The following FHIT variants were observed in gnomAD, a reference collection of about 807,000 sequenced individuals.
FHIT encodes fragile histidine triad diadenosine triphosphatase.
In FHIT, 19 loss-of-function variants were observed where a neutral mutation model predicts 17.9. That is an observed-to-expected ratio of 1.06 (90% CI 0.74 to 1.56). FHIT has a LOEUF of 1.56. Ranked by LOEUF, FHIT falls within the 40% of genes most tolerant of loss-of-function variation. The pLI is 0.00. For synonymous variants in FHIT, 81 were observed against 69.7 expected (o/e 1.16, Z -0.81); for missense variants, 248 against 189.2 (o/e 1.31, Z -1.82).
intron 5 of FHIT, among the ~76,000 whole-genome samples, chr3:60,188,321 T>C (rs1042136008): frequency 1.3e-5 from 2 of 152,052 alleles, no homozygotes; most frequent in African/African-American, 4.8e-5. Context: ...CACCTCACTT[T>C]TGTACTTGGT....
chr3:60,739,181 G>A (rs1276087991), intron 4 of FHIT, among the ~76,000 whole-genome samples: 1 of 152,154 alleles, frequency 6.6e-6, no homozygotes, highest in African/African-American at 2.4e-5. Flanking sequence ...ACCCCTGCAT[G>A]CATCCTTCAA....
chr3:60,269,837 T>C (rs1706773312), intron 5 of FHIT, among the ~76,000 whole-genome samples: 1 of 152,180 alleles, frequency 6.6e-6, no homozygotes, highest in African/African-American at 2.4e-5. Flanking sequence ...ATGTCTAACT[T>C]CATTTTAAAA....
Position 59,785,579 on chromosome 3 carries a change from A to G in FHIT, c.349-33258T>C, listed in dbSNP as rs546741013. Among the ~76,000 whole-genome samples the G allele has an allele frequency of 1.1e-3, 169 of 152,234 alleles. 2 individuals are homozygous for G. In the Middle Eastern group the frequency reaches 0.014, roughly 12 times the overall value. On this transcript the variant is annotated intron_variant, in intron 8 of 9. Transcript: ENST00000492590. ...AGTGATCCGCCCACCTTGGCCTCCC[A>G]AAGTGCTGGGATTACAGGCGTGAGC...
chr3:60,185,418 C>T (rs933485337), intron 5 of FHIT, among the ~76,000 whole-genome samples: 2 of 152,172 alleles, frequency 1.3e-5, no homozygotes, highest in Non-Finnish European at 1.5e-5. Flanking sequence ...TAGCAATATA[C>T]ATTTACTATT....
intron 2 of FHIT, among the ~76,000 whole-genome samples, chr3:61,077,477 C>G (rs372317874): frequency 5.3e-5 from 8 of 151,748 alleles, no homozygotes; most frequent in African/African-American, 1.7e-4. Flanking sequence ...AACAAACAAA[C>G]AAACAAACAA....
At position 60,014,076 on chromosome 3, in the gene FHIT, C is replaced by G. The variant is rs891129891; in HGVS notation, c.180G>C (p.Gln60His). 4.3e-6 allele frequency: 7 copies of G among 1,614,082 alleles called. No individual in the cohort carries two copies. The African/African-American group carries it at 5.3e-5, about 12-fold the overall frequency. Residue 60 changes from glutamine to histidine, a missense_variant, in exon 6 of 10, where the codon CAG becomes CAC. Transcript: ENST00000492590. ...CCACTGTCCCGACTCTCTGGGTCGT[C>G]TGAAACAAATCGGCCACTTCATCAG... ...LRPDEVADLF[Q>H]TTQRVGTVVE...
At chr3:60,187,680 T>C (rs1357782670) in intron 5 of FHIT, among the ~76,000 whole-genome samples, 2 of 152,176 alleles carry the variant, frequency 1.3e-5, no homozygotes, top group African/African-American at 2.4e-5. Context: ...AACAGATTTA[T>C]TGTCCTATTT....
At chr3:60,057,010 G>A (rs958896623) in intron 5 of FHIT, among the ~76,000 whole-genome samples, 1 of 152,032 alleles carries the variant, frequency 6.6e-6, no homozygotes, top group Admixed American at 6.6e-5. Context: ...AACTTGGGAT[G>A]CTTTTTTCTG....
intron 3 of FHIT, among the ~76,000 whole-genome samples, chr3:60,857,562 C>T (rs1272009390): frequency 6.6e-6 from 1 of 151,888 alleles, no homozygotes; most frequent in Admixed American, 6.6e-5. Context: ...CCAGTGCTTG[C>T]CACAGAGTTA....
At chr3:60,685,345 T>C (rs1165056790) in intron 4 of FHIT, among the ~76,000 whole-genome samples, 5 of 152,196 alleles carry the variant, frequency 3.3e-5, no homozygotes, top group Admixed American at 1.3e-4. Context: ...GAGAGAAAAT[T>C]TGGCCTCCCC....
At chr3:60,582,519 C>G (rs575436319) in intron 4 of FHIT, among the ~76,000 whole-genome samples, 1 of 152,144 alleles carries the variant, frequency 6.6e-6, no homozygotes, top group South Asian at 2.1e-4. Context: ...GAAATGAATG[C>G]GGATACAACC....
intron 5 of FHIT, among the ~76,000 whole-genome samples, chr3:60,099,357 G>A (rs1704097496): frequency 1.3e-5 from 2 of 152,162 alleles, no homozygotes; most frequent in Admixed American, 1.3e-4. Context: ...TGCTAAGCAT[G>A]TGGAATACAT....
chr3:60,743,691 C>T (rs2042283763), intron 4 of FHIT, among the ~76,000 whole-genome samples: 1 of 152,150 alleles, frequency 6.6e-6, no homozygotes, highest in Admixed American at 6.5e-5. Flanking sequence ...GAGTGGCCTG[C>T]TGGCTCTTCT....
At position 59,911,202 on chromosome 3, in the gene FHIT, T is replaced by G. The variant is rs140811443; in HGVS notation, c.348+11144A>C. Among the ~76,000 whole-genome samples, 135 of 152,360 alleles carry G rather than the reference T, an allele frequency of 8.9e-4. 2 individuals carry two copies. In the East Asian group the frequency reaches 0.016, roughly 18 times the overall value. Reference sequence around the variant, plus strand: ...ATATATAGTATTAAATATATTCCTCTATTATTTGGCATTTAAATTGTTTCC... The same window carrying G: ...ATATATAGTATTAAATATATTCCTCGATTATTTGGCATTTAAATTGTTTCC... On this transcript the variant is annotated intron_variant, in intron 8 of 9. Coordinates refer to ENST00000492590, the MANE Select transcript of FHIT (RefSeq NM_002012.4).
chr3:59,855,104 A>G (rs1263660243), intron 8 of FHIT, among the ~76,000 whole-genome samples: 1 of 152,214 alleles, frequency 6.6e-6, no homozygotes, highest in Non-Finnish European at 1.5e-5. Context: ...AACATTAAAC[A>G]ATGTTTTCCC....
intron 5 of FHIT, among the ~76,000 whole-genome samples, chr3:60,279,442 G>T (rs1225588164): frequency 6.6e-6 from 1 of 151,916 alleles, no homozygotes; most frequent in East Asian, 1.9e-4. Flanking sequence ...ATAATAAATT[G>T]GGTCCAGACA....
intron 1 of FHIT, among the ~76,000 whole-genome samples, chr3:61,229,786 A>G (rs1011371166): frequency 1.4e-4 from 21 of 152,230 alleles, no homozygotes. Flanking sequence ...AACAGGTGTA[A>G]TAACAGCTAA....
intron 4 of FHIT, among the ~76,000 whole-genome samples, chr3:60,629,280 GGATA>G: frequency 6.6e-6 from 1 of 152,246 alleles, no homozygotes; most frequent in Non-Finnish European, 1.5e-5. Flanking sequence ...TACATGAAAG[GGATA>G]GATAGCAGGC....
intron 7 of FHIT, among the ~76,000 whole-genome samples, chr3:59,956,650 G>A (rs1183580161): frequency 6.6e-6 from 1 of 152,096 alleles, no homozygotes; most frequent in African/African-American, 2.4e-5. Flanking sequence ...CCTGGTGACA[G>A]AACAAGACTG....
Sources: gnomAD v4.1 joint callset for allele counts (sites outside exome capture counted in the v4.1 genomes callset) on GRCh38, gnomAD v4.1.1 for gene constraint, MANE v1.5 for transcripts, NCBI Gene and HGNC (gene_info 2026-07-23, HGNC 2026-07-21) for gene names.